Variants in CTDSP2 observed in about 807,000 individuals in gnomAD.
CTDSP2 encodes CTD small phosphatase 2.
CTDSP2 carries 9 observed loss-of-function variants against 31.6 expected under a neutral mutation model. The ratio of observed to expected loss-of-function variants is 0.28; its 90% CI spans 0.17 to 0.50. CTDSP2 has a LOEUF of 0.50. Ranked by LOEUF, CTDSP2 falls within the 20% of genes least tolerant of loss-of-function variation. CTDSP2 has a pLI of 0.98. For missense variants in CTDSP2, 267 were observed against 348.5 expected (o/e 0.77, Z 1.86); for synonymous variants, 134 against 134.5 (o/e 1.00, Z 0.03).
At chr12:57,828,567 T>C (rs1956197427) in intron 2 of CTDSP2, among the ~76,000 whole-genome samples, 1 of 152,244 alleles carries the variant, frequency 6.6e-6, no homozygotes, top group Non-Finnish European at 1.5e-5. Flanking sequence ...CAGAATGCTA[T>C]ACAATTACAC....
At chr12:57,845,230 CG>C (rs1956307257) in intron 1 of CTDSP2, among the ~76,000 whole-genome samples, 1 of 151,852 alleles carries the variant, frequency 6.6e-6, no homozygotes, top group Non-Finnish European at 1.5e-5. Flanking sequence ...CAGGTGGCCC[CG>C]GTCGGGGGGC....
At chr12:57,834,172 T>C in intron 1 of CTDSP2, among the ~76,000 whole-genome samples, 1 of 152,118 alleles carries the variant, frequency 6.6e-6, no homozygotes, top group South Asian at 2.1e-4. Context: ...GAAAACTTTT[T>C]TTTTTTCTAA....
chr12:57,845,177 G>A (rs998566721), intron 1 of CTDSP2, among the ~76,000 whole-genome samples: 3 of 152,188 alleles, frequency 2.0e-5, no homozygotes, highest in Admixed American at 6.5e-5. Context: ...GGAGCGCTCC[G>A]GCTTCGGCCC....
intron 1 of CTDSP2, among the ~76,000 whole-genome samples, chr12:57,832,829 AAG>A (rs1252027653): frequency 6.6e-6 from 1 of 151,136 alleles, no homozygotes; most frequent in East Asian, 1.9e-4. Flanking sequence ...GGAAAAGAAA[AAG>A]AAAAAAACAA....
At chr12:57,839,060 T>G (rs1000873795) in intron 1 of CTDSP2, among the ~76,000 whole-genome samples, 1 of 152,140 alleles carries the variant, frequency 6.6e-6, no homozygotes, top group East Asian at 1.9e-4. Context: ...ACACACTCAT[T>G]GAGGCTGGCC....
intron 1 of CTDSP2, among the ~76,000 whole-genome samples, chr12:57,839,534 C>T (rs576922681): frequency 1.8e-4 from 27 of 152,202 alleles, no homozygotes; most frequent in South Asian, 8.3e-4. Flanking sequence ...CTGGCTAACA[C>T]AGTGAAACCG....
chr12:57,843,807 T>C (rs900927410), intron 1 of CTDSP2, among the ~76,000 whole-genome samples: 2 of 152,196 alleles, frequency 1.3e-5, no homozygotes, highest in Admixed American at 1.3e-4. Context: ...TAGGTTTTGT[T>C]TGTAAATGAT....
intron 2 of CTDSP2, among the ~76,000 whole-genome samples, 186 bp from the exon 3 acceptor site, chr12:57,827,776 C>T (rs1956192189): frequency 6.6e-6 from 1 of 152,164 alleles, no homozygotes; most frequent in South Asian, 2.1e-4. Flanking sequence ...CTAGAGCTTC[C>T]TTTCCACATT....
At position 57,836,110 on chromosome 12, in the gene CTDSP2, G is replaced by A. The variant is rs112246845; in HGVS notation, c.65-6514C>T. Among the ~76,000 whole-genome samples, 580 of 152,230 alleles carry A rather than the reference G, an allele frequency of 3.8e-3. 5 individuals carry two copies. The highest frequency in any genetic ancestry group is 7.2e-3 in the Non-Finnish European group (487 of 68,016). ...CCAGGAGCCCTCCCACCATCATCAC[G>A]TGGATGAAGCCCAAGAAGATGAGGG... is the stretch of plus-strand genomic sequence containing the variant. On this transcript the variant is annotated intron_variant, in intron 1 of 7. Coordinates refer to ENST00000398073, the MANE Select transcript of CTDSP2 (RefSeq NM_005730.4).
rs1220654481 is a variant in CTDSP2 at position 57,827,560 on chromosome 12, A to C, written c.244T>G (p.Phe82Val). The stretch of plus-strand genomic sequence containing the variant: ...AGGCCAGAGTCACGTACCTGGTAGA[A>C]CTGGTACTGGAGACACTGGAGCAGA... ...SDLLQCLQYQFYQIPGTCLLP... is the reference protein window; with the variant it reads ...SDLLQCLQYQVYQIPGTCLLP... The change falls in exon 3 of 8, where the codon TTC becomes GTC. Residue 82 changes from phenylalanine (F) to valine (V), a missense_variant. Physicochemically the swap from Phe to Val is conservative, Grantham distance 50. Transcript: ENST00000398073. 6.2e-7 allele frequency: 1 copy of C among 1,614,108 alleles called. No individual in the cohort carries two copies. The highest frequency in any genetic ancestry group is 8.5e-7 in the Non-Finnish European group (1 of 1,179,986).
At chr12:57,835,316 G>A (rs1956241149) in intron 1 of CTDSP2, among the ~76,000 whole-genome samples, 1 of 149,192 alleles carries the variant, frequency 6.7e-6, no homozygotes, top group Admixed American at 6.7e-5. Context: ...CAACAAGAGC[G>A]AAAATCCGTC....
At chr12:57,846,327 C>T in intron 1 of CTDSP2, 45 bp downstream of exon 1, 1 of 1,563,288 alleles carries the variant, frequency 6.4e-7, no homozygotes, top group Non-Finnish European at 8.7e-7. Context: ...TAGCCCCCTC[C>T]GCGCCCGGGG....
intron 4 of CTDSP2, 106 bp from the exon 5 acceptor site, chr12:57,826,508 A>G: frequency 1.9e-6 from 2 of 1,074,644 alleles, no homozygotes; most frequent in East Asian, 5.0e-5. Flanking sequence ...AGACTCCTGG[A>G]AGTGCCTCTG....
At chr12:57,836,874 C>T (rs534477101) in intron 1 of CTDSP2, among the ~76,000 whole-genome samples, 31 of 152,206 alleles carry the variant, frequency 2.0e-4, no homozygotes, top group Middle Eastern at 3.2e-3. Flanking sequence ...CAAGCCCATT[C>T]AGGTAGAAAG....
At chr12:57,838,778 T>A (rs530272584) in intron 1 of CTDSP2, among the ~76,000 whole-genome samples, 2 of 152,342 alleles carry the variant, frequency 1.3e-5, no homozygotes, top group African/African-American at 4.8e-5. Flanking sequence ...AGTTTCTTCA[T>A]CTGCAAAATG....
chr12:57,841,241 G>T (rs915702853), intron 1 of CTDSP2, among the ~76,000 whole-genome samples: 1 of 152,176 alleles, frequency 6.6e-6, no homozygotes, highest in Admixed American at 6.5e-5. Flanking sequence ...ATGAAAAGCA[G>T]ATCAATGCTG....
chr12:57,833,036 A>G (rs1414473121), intron 1 of CTDSP2, among the ~76,000 whole-genome samples: 1 of 152,214 alleles, frequency 6.6e-6, no homozygotes, highest in Non-Finnish European at 1.5e-5. Flanking sequence ...TTCTTCATGC[A>G]GAACCACAAT....
At chr12:57,829,979 A>G (rs1956205059) in intron 1 of CTDSP2, among the ~76,000 whole-genome samples, 1 of 152,202 alleles carries the variant, frequency 6.6e-6, no homozygotes, top group African/African-American at 2.4e-5. Context: ...TCGGTTCCAG[A>G]CAACGGAGAA....
At chr12:57,840,584 G>T (rs1270934457) in intron 1 of CTDSP2, among the ~76,000 whole-genome samples, 1 of 152,140 alleles carries the variant, frequency 6.6e-6, no homozygotes, top group Non-Finnish European at 1.5e-5. Context: ...GCCTTCCGCA[G>T]GCAATTTGAG....
Sources: allele counts gnomAD v4.1 joint callset (sites outside exome capture counted in the v4.1 genomes callset), GRCh38; gene constraint gnomAD v4.1.1; transcripts MANE v1.5; gene names NCBI Gene and HGNC (gene_info 2026-07-23, HGNC 2026-07-21).